Variants in MAN1A1 observed in about 807,000 individuals in gnomAD.
The protein encoded by MAN1A1 is mannosidase alpha class 1A member 1.
Under a neutral mutation model 70.8 loss-of-function variants are expected in MAN1A1, and 29 were observed. The observed-to-expected ratio is 0.41, with a 90% CI of 0.31 to 0.56. The LOEUF (loss-of-function observed/expected upper bound fraction) is 0.56. Ranked by LOEUF, MAN1A1 falls within the 20% of genes least tolerant of loss-of-function variation. The probability of loss-of-function intolerance (pLI) is 0.29; values close to 1 mark genes in which losing one functional copy is unlikely to be tolerated. For synonymous variants in MAN1A1, 349 were observed against 330.1 expected, an observed-to-expected ratio of 1.06 and a Z score of -0.62; for missense variants, 747 against 841.3, an observed-to-expected ratio of 0.89 and a Z score of 1.39.
At chr6:119,321,690 T>C (rs1307919302) in intron 2 of MAN1A1, among the ~76,000 whole-genome samples, 2 of 149,586 alleles carry the variant, frequency 1.3e-5, no homozygotes, top group African/African-American at 5.0e-5. Flanking sequence ...CAATCTCAGC[T>C]CACCGCAGCC....
chr6:119,329,012 T>A (rs1773233032), intron 2 of MAN1A1, among the ~76,000 whole-genome samples: 1 of 152,208 alleles, frequency 6.6e-6, no homozygotes, highest in South Asian at 2.1e-4. Flanking sequence ...GCAAAGCAGA[T>A]GTCTGGATGC....
chr6:119,193,354 A>C (rs1481650789), intron 9 of MAN1A1, among the ~76,000 whole-genome samples: 1 of 152,158 alleles, frequency 6.6e-6, no homozygotes, highest in African/African-American at 2.4e-5. Flanking sequence ...ATTTCCTTAG[A>C]GTACTGTCCA....
chr6:119,225,418 AGAGAAGGAGGAG>A (rs983724899), intron 6 of MAN1A1, among the ~76,000 whole-genome samples: 1 of 55,992 alleles, frequency 1.8e-5, no homozygotes, highest in African/African-American at 6.5e-5. Flanking sequence ...AGAGAGAGAA[AGAGAAGGAGGAG>A]GAGAAGGAAG....
At chr6:119,180,690 T>G (rs1318772841) in intron 11 of MAN1A1, among the ~76,000 whole-genome samples, 4 of 152,016 alleles carry the variant, frequency 2.6e-5, no homozygotes, top group Non-Finnish European at 4.4e-5. Context: ...TTTTTTGTAT[T>G]TTTTGTAGAG....
At chr6:119,269,613 G>A (rs761662490) in intron 5 of MAN1A1, 12 of 173,198 alleles carry the variant, frequency 6.9e-5, no homozygotes, top group African/African-American at 2.1e-4. Flanking sequence ...TGCAGTGCAC[G>A]ACCACCACCT....
At chr6:119,196,894 T>C (rs940628398) in intron 8 of MAN1A1, among the ~76,000 whole-genome samples, 3 of 152,178 alleles carry the variant, frequency 2.0e-5, no homozygotes, top group African/African-American at 7.2e-5. Context: ...AACCCTGCCA[T>C]CTGGCCTCAA....
chr6:119,216,453 G>T (rs991606102), intron 6 of MAN1A1, among the ~76,000 whole-genome samples: 1 of 152,186 alleles, frequency 6.6e-6, no homozygotes, highest in South Asian at 2.1e-4. Context: ...CAGGATCAAA[G>T]ATGACTTCTA....
chr6:119,254,098 T>TA (rs895021790), intron 5 of MAN1A1, among the ~76,000 whole-genome samples: 1 of 152,214 alleles, frequency 6.6e-6, no homozygotes, highest in Non-Finnish European at 1.5e-5. Flanking sequence ...AACTAGCTTG[T>TA]AAAATTAAAA....
intron 2 of MAN1A1, among the ~76,000 whole-genome samples, chr6:119,316,479 C>T (rs1772858640): frequency 6.6e-6 from 1 of 152,034 alleles, no homozygotes; most frequent in East Asian, 1.9e-4. Flanking sequence ...AAAAGGTATT[C>T]CTTGCTGGGA....
Position 119,178,402 on chromosome 6 carries a change from A to G in MAN1A1, c.*1417T>C, listed in dbSNP as rs1039161294. The G allele has an allele frequency of 3.3e-5, 5 of 152,116 alleles. No individual in the cohort carries two copies. Among genetic ancestry groups the G allele is most frequent in the African/African-American group, 1.2e-4 (5 of 41,456 alleles). 9.4% of individuals were successfully genotyped at this position (152,116 alleles called of 1,614,324 possible). A position where few individuals can be genotyped will look rare whatever the true frequency, so the allele number is the denominator to read the frequency against. Reference sequence around the variant, plus strand: ...TCTGACCATTCTCGGCTGAAAATTGACATGGTCAAAGTCCTTGCCCTTCAG... The same window carrying G: ...TCTGACCATTCTCGGCTGAAAATTGGCATGGTCAAAGTCCTTGCCCTTCAG... On this transcript the variant is annotated 3_prime_UTR_variant, in exon 13 of 13. Transcript: ENST00000368468.
At chr6:119,184,801 T>C (rs1773242704) in intron 11 of MAN1A1, among the ~76,000 whole-genome samples, 1 of 152,152 alleles carries the variant, frequency 6.6e-6, no homozygotes, top group South Asian at 2.1e-4. Context: ...ATATAATCTA[T>C]GTGAATATAT....
At chr6:119,255,869 TA>T (rs1775443543) in intron 5 of MAN1A1, among the ~76,000 whole-genome samples, 1 of 152,086 alleles carries the variant, frequency 6.6e-6, no homozygotes, top group South Asian at 2.1e-4. Flanking sequence ...AGTTTTAAAT[TA>T]AAAAAAATTA....
chr6:119,263,247 ATATTT>A (rs932477600), intron 5 of MAN1A1, among the ~76,000 whole-genome samples: 1 of 150,110 alleles, frequency 6.7e-6, no homozygotes, highest in Non-Finnish European at 1.5e-5. Context: ...CTTAATAATT[ATATTT>A]TATTAAGTAT....
In MAN1A1 at chr6:119,348,793, C is replaced by T; in HGVS notation, c.273G>A (p.Gly91=). 2.1e-6 allele frequency: 3 copies of T among 1,422,692 alleles called. No individual in the cohort carries two copies. In the South Asian group the frequency reaches 4.6e-5, roughly 22 times the overall value. 88.1% of individuals were successfully genotyped at this position (1,422,692 alleles called of 1,614,324 possible). ...QPAADHKPGP[G]ARAEDAAEGR... is the part of the protein sequence containing the mutation. ...CCTCGGCCGCGTCCTCGGCGCGCGCCCCGGGCCCGGGCTTGTGGTCGGCGG... is the reference window on the plus strand; with the variant it reads ...CCTCGGCCGCGTCCTCGGCGCGCGCTCCGGGCCCGGGCTTGTGGTCGGCGG... Residue 91 remains glycine (G), a synonymous_variant, in exon 2 of 13, where the codon GGG becomes GGA. Transcript: ENST00000368468.
At chr6:119,320,836 T>C (rs561238317) in intron 2 of MAN1A1, among the ~76,000 whole-genome samples, 2 of 152,346 alleles carry the variant, frequency 1.3e-5, no homozygotes, top group Admixed American at 6.5e-5. Context: ...GCATCTTCTA[T>C]AATACAATTT....
At chr6:119,287,606 A>G (rs1009257113) in intron 5 of MAN1A1, among the ~76,000 whole-genome samples, 1 of 152,030 alleles carries the variant, frequency 6.6e-6, no homozygotes, top group Non-Finnish European at 1.5e-5. Flanking sequence ...GGATAAATAA[A>G]AGTTAATTCA....
intron 5 of MAN1A1, among the ~76,000 whole-genome samples, chr6:119,273,250 C>A (rs1037450869): frequency 3.9e-5 from 6 of 152,022 alleles, no homozygotes; most frequent in Non-Finnish European, 8.8e-5. Context: ...CAGATGAGTA[C>A]AGAAAAACAG....
chr6:119,316,175 GTTTT>G (rs5879501), intron 2 of MAN1A1, among the ~76,000 whole-genome samples: 15 of 116,192 alleles, frequency 1.3e-4, no homozygotes, highest in African/African-American at 4.7e-4. Flanking sequence ...ATTTTTGTGG[GTTTT>G]TTTTTTTTTT....
Position 119,349,734 on chromosome 6 carries a change from T to C in MAN1A1, c.-415A>G, listed in dbSNP as rs980078004. ...AATGGCAGCGAGTAGAGCAGCACGG[T>C]ACACTCCGCCGCGGCCCCGCGAGCA... is the stretch of plus-strand genomic sequence containing the variant. On this transcript the variant is annotated 5_prime_UTR_variant, in exon 1 of 13. Transcript: ENST00000368468. 3.0e-6 allele frequency: 3 copies of C among 985,470 alleles called. No individual in the cohort carries two copies. The highest frequency in any genetic ancestry group is 1.1e-4 in the East Asian group (1 of 8,806). The allele number at this position is 985,470 out of a possible 1,614,324, so 61.0% of individuals were successfully genotyped here.
Sources: gnomAD v4.1 joint callset for allele counts (sites outside exome capture counted in the v4.1 genomes callset) on GRCh38, gnomAD v4.1.1 for gene constraint, MANE v1.5 for transcripts, NCBI Gene and HGNC (gene_info 2026-07-23, HGNC 2026-07-21) for gene names.